SELENOP: variants seen among roughly 807,000 people sequenced by gnomAD.
SELENOP encodes the protein selenoprotein P, plasma, 1.
A neutral mutation model predicts 41.0 loss-of-function variants in SELENOP; 36 were observed. The ratio of observed to expected loss-of-function variants is 0.88; its 90% CI spans 0.67 to 1.16. The LOEUF is 1.16. SELENOP is among the 50% of genes most tolerant of loss of function. The probability of loss-of-function intolerance (pLI) is 0.00; values close to 1 mark genes in which losing one functional copy is unlikely to be tolerated. For synonymous variants in SELENOP, 144 were observed against 150.8 expected (o/e 0.95, Z 0.33); for missense variants, 440 against 454.2 (o/e 0.97, Z 0.28).
intron 4 of SELENOP, among the ~76,000 whole-genome samples, chr5:42,803,215 G>A (rs1191228453): frequency 2.0e-5 from 3 of 152,188 alleles, no homozygotes; most frequent in Non-Finnish European, 2.9e-5. Flanking sequence ...GCATATTGTG[G>A]TAACTATTAA....
Position 42,808,227 on chromosome 5 carries a change from G to C in SELENOP, c.127C>G (p.Leu43Val), listed in dbSNP as rs1760376683. 6.3e-7 allele frequency: 1 copy of C among 1,585,842 alleles called. No individual in the cohort carries two copies. Among genetic ancestry groups the C allele is most frequent in the South Asian group, 1.2e-5 (1 of 86,494 alleles). ...ACAGTCACTGAACCATTGGAGTTTA[G>C]CATTGGATCTTGATCTCTTATGCTC... ...AWSIRDQDPM[L>V]NSNGSVTVVA... The change falls in exon 2 of 5, where the codon CTA (leucine) becomes GTA (valine). Residue 43 changes from leucine to valine, a missense_variant. By Grantham distance (32) the Leu-to-Val change is conservative. Transcript: ENST00000514985.
intron 4 of SELENOP, chr5:42,801,799 C>G (rs1046646117): frequency 1.9e-5 from 3 of 157,126 alleles, no homozygotes; most frequent in African/African-American, 7.2e-5. Context: ...TGCCTGTAGT[C>G]CCAGCTACTT....
At chr5:42,801,704 C>T (rs1191662348) in intron 4 of SELENOP, 2 of 246,932 alleles carry the variant, frequency 8.1e-6, no homozygotes, top group Admixed American at 5.5e-5. Context: ...ATTACTTGGG[C>T]TCAGGAGTCG....
chr5:42,808,712 T>TC (rs1366020167), intron 1 of SELENOP, among the ~76,000 whole-genome samples: 1 of 147,680 alleles, frequency 6.8e-6, no homozygotes, highest in Non-Finnish European at 1.5e-5. Context: ...ATCGAGACCA[T>TC]CCTGGCTAAC....
At chr5:42,807,879 C>T (rs1359661045) in intron 2 of SELENOP, 1 of 212,056 alleles carries the variant, frequency 4.7e-6, no homozygotes, top group African/African-American at 2.3e-5. Flanking sequence ...AGAGCATTTT[C>T]ATTACACAAG....
At chr5:42,801,428 A>C in intron 4 of SELENOP, 97 bp from the exon 5 acceptor site, 8 of 911,194 alleles carry the variant, frequency 8.8e-6, no homozygotes, top group Admixed American at 2.5e-5. Context: ...AATTCCAACT[A>C]GTTAATTAGA....
At chr5:42,805,874 CAA>C (rs1760319988) in intron 3 of SELENOP, 2 of 151,736 alleles carry the variant, frequency 1.3e-5, no homozygotes, top group East Asian at 3.9e-4. Context: ...AAAGTCATTT[CAA>C]AAAAATAAAT....
chr5:42,808,886 C>T (rs1159770637), intron 1 of SELENOP, among the ~76,000 whole-genome samples: 1 of 150,480 alleles, frequency 6.6e-6, no homozygotes, highest in African/African-American at 2.4e-5. Context: ...CGCCCCTGCA[C>T]TCCAGCCTGG....
At chr5:42,802,650 C>A (rs952509179) in intron 4 of SELENOP, among the ~76,000 whole-genome samples, 16 of 152,252 alleles carry the variant, frequency 1.1e-4, no homozygotes, top group Admixed American at 2.0e-4. Flanking sequence ...CTCACTCTTT[C>A]GCCAGGCTGG....
chr5:42,808,877 G>A (rs550502835), intron 1 of SELENOP, among the ~76,000 whole-genome samples: 23 of 150,264 alleles, frequency 1.5e-4, no homozygotes, highest in African/African-American at 5.1e-4. Flanking sequence ...CTGAGATCGC[G>A]CCCCTGCACT....
intron 4 of SELENOP, among the ~76,000 whole-genome samples, chr5:42,804,418 G>C (rs923545915): frequency 6.6e-6 from 1 of 152,254 alleles, no homozygotes; most frequent in Non-Finnish European, 1.5e-5. Context: ...CCGAGATCGC[G>C]CCACTGCACT....
intron 1 of SELENOP, among the ~76,000 whole-genome samples, chr5:42,810,406 T>C (rs1760433441): frequency 6.6e-6 from 1 of 152,198 alleles, no homozygotes; most frequent in Non-Finnish European, 1.5e-5. Flanking sequence ...TGGCAAAAAA[T>C]CAGCACTTGG....
intron 4 of SELENOP, among the ~76,000 whole-genome samples, 178 bp downstream of exon 4, chr5:42,804,478 T>TAGTA (rs71608666): frequency 6.6e-6 from 1 of 151,530 alleles, no homozygotes; most frequent in Non-Finnish European, 1.5e-5. Context: ...ATAGTAATAG[T>TAGTA]AATAAATAAA....
chr5:42,807,427 G>GA (rs151117081), intron 2 of SELENOP: 129 of 169,790 alleles, frequency 7.6e-4, no homozygotes, highest in Middle Eastern at 2.8e-3. Context: ...AAAATGGTTG[G>GA]AAAAAAAAAG....
In SELENOP at chr5:42,804,698, C is replaced by T. The variant is rs371626499; in HGVS notation, c.492G>A (p.Lys164=). The T allele has an allele frequency of 1.1e-5, 18 of 1,609,516 alleles. No homozygotes were observed. The highest frequency in any genetic ancestry group is 8.5e-6 in the Non-Finnish European group (10 of 1,176,926). The change falls in exon 4 of 5, where the codon AAG becomes AAA. Residue 164 remains lysine, a synonymous_variant. Coordinates refer to ENST00000514985, the MANE Select transcript of SELENOP (RefSeq NM_005410.4). ...CACATTTCTTTTCACAGTAAGCAAT[C>T]TTAATGGCTTCTTCTACATATGGGA... is the stretch of plus-strand genomic sequence containing the variant. ...LTFPYVEEAI[K]IAYCEKKCGN...
chr5:42,807,118 T>A lies in SELENOP; in HGVS notation c.204-10A>T. The A allele has an allele frequency of 7.6e-7, 1 of 1,313,350 alleles. No homozygotes were observed. Among genetic ancestry groups the A allele is most frequent in the African/African-American group, 1.5e-5 (1 of 68,196 alleles). 81.4% of individuals were successfully genotyped at this position (1,313,350 alleles called of 1,614,324 possible). A position where few individuals can be genotyped will look rare whatever the true frequency, so the allele number is the denominator to read the frequency against. On this transcript the variant is annotated splice_polypyrimidine_tract_variant and intron_variant, in intron 2 of 4. Coordinates refer to ENST00000514985, the MANE Select transcript of SELENOP (RefSeq NM_005410.4). ...TCGCAGGTCTTCTAATCTAAAATATTTGGGAAGAAATACATAAAATGAATA... is the reference window on the plus strand; with the variant it reads ...TCGCAGGTCTTCTAATCTAAAATATATGGGAAGAAATACATAAAATGAATA...
At chr5:42,804,828 A>G in intron 3 of SELENOP, 55 bp from the exon 4 acceptor site, 1 of 1,119,974 alleles carries the variant, frequency 8.9e-7, no homozygotes, top group South Asian at 1.3e-5. Context: ...TCACGATCCT[A>G]CTCAAATACA....
At chr5:42,803,489 T>C (rs1760258094) in intron 4 of SELENOP, among the ~76,000 whole-genome samples, 1 of 152,202 alleles carries the variant, frequency 6.6e-6, no homozygotes, top group Admixed American at 6.5e-5. Flanking sequence ...CTAGAGTAAG[T>C]AACTTATACT....
rs560753634 is a variant in SELENOP, at chr5:42,800,663, T to C, written c.*57A>G. On this transcript the variant is annotated 3_prime_UTR_variant, in exon 5 of 5. Transcript: ENST00000514985. ...TCACTAATTTGGTAGTTTATAAAAA[T>C]GCTGGAAATGAAATTGTGTCTAGAC... 2.7e-6 allele frequency: 4 copies of C among 1,506,394 alleles called. No homozygotes were observed. The highest frequency in any genetic ancestry group is 2.3e-5 in the Admixed American group (1 of 44,102). 93.3% of individuals were successfully genotyped at this position (1,506,394 alleles called of 1,614,324 possible). A position where few individuals can be genotyped will look rare whatever the true frequency, so the allele number is the denominator to read the frequency against.
Sources: allele counts gnomAD v4.1 joint callset (sites outside exome capture counted in the v4.1 genomes callset), GRCh38; gene constraint gnomAD v4.1.1; transcripts MANE v1.5; gene names NCBI Gene and HGNC (gene_info 2026-07-23, HGNC 2026-07-21).